The following NOL9 variants were observed in gnomAD, a reference collection of about 807,000 sequenced individuals.
The protein encoded by NOL9 is polynucleotide 5'-hydroxyl-kinase NOL9.
NOL9 carries 28 observed loss-of-function variants against 67.9 expected under a neutral mutation model. The observed-to-expected ratio is 0.41, with a 90% CI of 0.31 to 0.57. NOL9 has a LOEUF of 0.57. NOL9 is among the 20% of genes least tolerant of loss of function. The probability of loss-of-function intolerance (pLI) is 0.25; values close to 1 mark genes in which losing one functional copy is unlikely to be tolerated. For missense variants in NOL9, 777 were observed against 897.0 expected (o/e 0.87, Z 1.71); for synonymous variants, 356 against 352.2 (o/e 1.01, Z -0.12).
intron 5 of NOL9, among the ~76,000 whole-genome samples, chr1:6,543,994 C>T (rs561090129): frequency 6.2e-4 from 94 of 152,232 alleles, no homozygotes; most frequent in African/African-American, 2.2e-3. Flanking sequence ...GGTATGGTGG[C>T]GCACGCCTGT....
intron 5 of NOL9, among the ~76,000 whole-genome samples, chr1:6,544,525 A>G (rs9793308): frequency 0.4 from 27,643 of 69,372 alleles, 3,408 homozygotes; most frequent in South Asian, 0.59. Context: ...ACACACACAC[A>G]CACGCACGCA....
At chr1:6,528,960 T>C (rs1340239033) in intron 10 of NOL9, 34 bp downstream of exon 10, 2 of 1,602,662 alleles carry the variant, frequency 1.2e-6, no homozygotes, top group South Asian at 1.1e-5. Context: ...TCCTTTTCAG[T>C]AGGTTTATGG....
At chr1:6,526,108 G>T (rs1638878482) in intron 11 of NOL9, 105 bp from the exon 12 acceptor site, 2 of 998,230 alleles carry the variant, frequency 2.0e-6, no homozygotes, top group South Asian at 1.4e-5. Context: ...TGATGGTCTG[G>T]GTGGGGACTT....
At chr1:6,537,587 C>T (rs1639182331) in intron 6 of NOL9, among the ~76,000 whole-genome samples, 1 of 151,942 alleles carries the variant, frequency 6.6e-6, no homozygotes, top group Non-Finnish European at 1.5e-5. Context: ...CAAAACTTAC[C>T]GAAAAGCTAT....
chr1:6,537,250 A>G (rs2148655238), intron 6 of NOL9, among the ~76,000 whole-genome samples: 1 of 152,198 alleles, frequency 6.6e-6, no homozygotes, highest in Non-Finnish European at 1.5e-5. Flanking sequence ...TCAACTCAAA[A>G]TGGAATAAAG....
chr1:6,546,682 CCT>C (rs1427476371), intron 3 of NOL9, among the ~76,000 whole-genome samples: 7 of 152,168 alleles, frequency 4.6e-5, no homozygotes, highest in Non-Finnish European at 8.8e-5. Flanking sequence ...AGCAGCCTCT[CCT>C]CTCTCTGCTG....
intron 6 of NOL9, chr1:6,540,776 A>C (rs1639268738): frequency 6.6e-6 from 1 of 152,018 alleles, no homozygotes; most frequent in African/African-American, 2.4e-5. Context: ...CAGTGAGCAC[A>C]GATCACACCA....
rs1402704349 is a variant in NOL9 at position 6,530,844 on chromosome 1, C to T, written c.1647+1124G>A. ...CTGGCACAGAGCAAGCGCTCAAAAC[C>T]GGACATGCTGTGCGGCAGAGCACAG... On this transcript the variant is annotated intron_variant, in intron 9 of 11. Coordinates refer to ENST00000377705, the MANE Select transcript of NOL9 (RefSeq NM_024654.5). Among the ~76,000 whole-genome samples the T allele has an allele frequency of 3.3e-5, 5 of 152,370 alleles. No homozygotes were observed. The East Asian group carries it at 7.7e-4, about 24-fold the overall frequency.
Position 6,550,540 on chromosome 1 carries a change from G to C in NOL9, c.472C>G (p.Gln158Glu), listed in dbSNP as rs371996463. 3.2e-5 allele frequency: 52 copies of C among 1,613,974 alleles called. No individual in the cohort carries two copies. Among genetic ancestry groups the C allele is most frequent in the Non-Finnish European group, 4.3e-5 (51 of 1,180,030 alleles). The change falls in exon 2 of 12, where the codon CAA (glutamine) becomes GAA (glutamate). Residue 158 changes from glutamine to glutamate, a missense_variant. Gln to Glu is a conservative substitution (Grantham distance 29, BLOSUM62 2). Coordinates refer to ENST00000377705, the MANE Select transcript of NOL9 (RefSeq NM_024654.5). ...QVQVFGFTIS[Q>E]GQPAQDIFSV... ...AAGATGTCTTGGGCAGGCTGGCCTT[G>C]GCTGATGGTAAAACCAAATACCTGC...
chr1:6,527,554 C>T (rs12047931), intron 10 of NOL9, among the ~76,000 whole-genome samples: 16,240 of 146,272 alleles, frequency 0.11, 921 homozygotes, highest in South Asian at 0.17. Flanking sequence ...GTCTGAGACA[C>T]AAGAATCACT....
chr1:6,521,493 G>C lies in NOL9; in HGVS notation c.*4361C>G, dbSNP rs532352156. On this transcript the variant is annotated 3_prime_UTR_variant, in exon 12 of 12. Coordinates refer to ENST00000377705, the MANE Select transcript of NOL9 (RefSeq NM_024654.5). The stretch of plus-strand genomic sequence containing the variant: ...CTCACAGTGTCAGTGATTACTATGT[G>C]GTGGTGGGCTGGAGGATCATTTTCT... 3 of 152,318 alleles carry C rather than the reference G, an allele frequency of 2.0e-5. No individual in the cohort carries two copies. Among genetic ancestry groups the C allele is most frequent in the Non-Finnish European group, 4.4e-5 (3 of 68,030 alleles). 9.4% of individuals were successfully genotyped at this position (152,318 alleles called of 1,614,324 possible).
chr1:6,552,065 A>G, intron 1 of NOL9, among the ~76,000 whole-genome samples: 1 of 152,156 alleles, frequency 6.6e-6, no homozygotes, highest in East Asian at 1.9e-4. Context: ...AAAATATGGT[A>G]TGTTCTCACT....
At chr1:6,536,948 G>A (rs762590400) in intron 6 of NOL9, among the ~76,000 whole-genome samples, 28 of 151,936 alleles carry the variant, frequency 1.8e-4, no homozygotes, top group African/African-American at 4.8e-4. Flanking sequence ...CCAAGGCTGC[G>A]GTGAGCTATG....
In NOL9 at chr1:6,526,730, G is replaced by A; in HGVS notation, c.1925C>T (p.Ala642Val). 6.2e-7 allele frequency: 1 copy of A among 1,613,846 alleles called. No homozygotes were observed. Among genetic ancestry groups the A allele is most frequent in the Middle Eastern group, 1.7e-4 (1 of 6,060 alleles). ...AAGGACACAATGTGGAATGGCAATA[G>A]CTCCAACGAGCAGACAATTCACGGT... ...LRTVNCLLVG[A>V]IAIPHCVLKC... Residue 642 changes from alanine (A) to valine (V), a missense_variant, in exon 11 of 12, where the codon GCT becomes GTT. By Grantham distance (64) the Ala-to-Val change is moderately conservative. Transcript: ENST00000377705.
At chr1:6,539,427 A>C (rs571979952) in intron 6 of NOL9, among the ~76,000 whole-genome samples, 3 of 152,324 alleles carry the variant, frequency 2.0e-5, no homozygotes, top group Admixed American at 2.0e-4. Context: ...TGAATGGATA[A>C]ACTAAATGTG....
chr1:6,531,034 C>G (rs1469568946), intron 9 of NOL9, among the ~76,000 whole-genome samples: 7 of 152,202 alleles, frequency 4.6e-5, no homozygotes, highest in Admixed American at 4.6e-4. Flanking sequence ...AGGCTTAGAA[C>G]AGAGTACTGC....
chr1:6,542,764 GTA>G (rs1376104330), intron 5 of NOL9, among the ~76,000 whole-genome samples: 11 of 150,316 alleles, frequency 7.3e-5, no homozygotes, highest in Admixed American at 4.6e-4. Context: ...GCTAATTTTT[GTA>G]TTTTTAGCAG....
At chr1:6,543,289 A>G (rs1413331622) in intron 5 of NOL9, among the ~76,000 whole-genome samples, 5 of 149,592 alleles carry the variant, frequency 3.3e-5, no homozygotes, top group African/African-American at 9.9e-5. Context: ...TCCTCCTCCC[A>G]GGTTCACGCC....
At chr1:6,527,644 A>C (rs1638920318) in intron 10 of NOL9, among the ~76,000 whole-genome samples, 3 of 151,796 alleles carry the variant, frequency 2.0e-5, no homozygotes, top group South Asian at 4.1e-4. Flanking sequence ...CAAAACAAAA[A>C]AAAAACAGCC....
Sources: allele counts gnomAD v4.1 joint callset (sites outside exome capture counted in the v4.1 genomes callset), GRCh38; gene constraint gnomAD v4.1.1; transcripts MANE v1.5; gene names NCBI Gene and HGNC (gene_info 2026-07-23, HGNC 2026-07-21).